The following NFKBIB variants were observed in gnomAD, a reference collection of about 807,000 sequenced individuals.
NFKBIB encodes the protein NF-kappa-B inhibitor beta.
In NFKBIB, 16 loss-of-function variants were observed where a neutral mutation model predicts 32.1. The observed-to-expected ratio is 0.50, with a 90% CI of 0.34 to 0.76. The LOEUF (loss-of-function observed/expected upper bound fraction) is 0.76, where lower values mean the gene tolerates loss of function less well. Ranked by LOEUF, NFKBIB falls within the 30% of genes least tolerant of loss-of-function variation. The pLI, the probability that NFKBIB is intolerant of heterozygous loss-of-function variation, is 0.01. For missense variants in NFKBIB, 437 were observed against 514.9 expected (o/e 0.85, Z 1.46); for synonymous variants, 222 against 219.5 (o/e 1.01, Z -0.10).
chr19:38,907,757 G>A, intron 5 of NFKBIB, 98 bp downstream of exon 5: 1 of 1,459,404 alleles, frequency 6.9e-7, no homozygotes, highest in Admixed American at 2.6e-5. Flanking sequence ...ACCTTGGGCT[G>A]CTGTTAGAGA....
rs1222513924 is a variant in NFKBIB, at chr19:38,905,440, C to T, written c.524C>T (p.Thr175Ile). ...GPDRTPDTNHTPVALYPDSDL... is the reference protein window; with the variant it reads ...GPDRTPDTNHIPVALYPDSDL... The stretch of plus-strand genomic sequence containing the variant: ...GACCGTACTCCCGACACCAACCATA[C>T]CCCTGTCGCCTTGTACCCCGATTCC... Residue 175 changes from threonine (T) to isoleucine (I), a missense_variant, in exon 3 of 6, where the codon ACC becomes ATC. Transcript: ENST00000313582. The surrounding 1 kb of genome is among the most constrained non-coding windows in gnomAD (Gnocchi z 5.5). 1.2e-6 allele frequency: 2 copies of T among 1,613,910 alleles called. No individual in the cohort carries two copies. The highest frequency in any genetic ancestry group is 1.1e-5 in the South Asian group (1 of 91,086).
chr19:38,907,985 A>G, intron 5 of NFKBIB: 2 of 1,177,832 alleles, frequency 1.7e-6, no homozygotes, highest in Admixed American at 4.2e-5. Flanking sequence ...GAATTGGAGA[A>G]CTCACACTGC....
At position 38,905,544 on chromosome 19, in the gene NFKBIB, C is replaced by T. The variant is rs748849926; in HGVS notation, c.619+9C>T. 4.4e-6 allele frequency: 7 copies of T among 1,589,710 alleles called. No individual in the cohort carries two copies. The highest frequency in any genetic ancestry group is 2.3e-5 in the South Asian group (2 of 86,722). ...GGCTGAAAACTACGAGGGTGAGGGT[C>T]GTCACCAGGGAAGGACTCAGCTCCT... On this transcript the variant is annotated intron_variant, in intron 3 of 5. Transcript: ENST00000313582. This position sits in a 1 kb window ranked among gnomAD's most constrained non-coding sequence, Gnocchi z 5.5.
rs757386064 is a variant in NFKBIB, at chr19:38,907,390, C to T, written c.709-9C>T. 8.9e-5 allele frequency: 142 copies of T among 1,589,028 alleles called. No individual in the cohort carries two copies. Among genetic ancestry groups the T allele is most frequent in the African/African-American group, 2.5e-4 (19 of 74,554 alleles). On this transcript the variant is annotated splice_polypyrimidine_tract_variant and intron_variant, in intron 4 of 5. Coordinates refer to ENST00000313582, the MANE Select transcript of NFKBIB (RefSeq NM_002503.5). ...CGGGCCCTCTGACCTTTCTGTTGCACCCCCACAGGAGCCCACGTGCGGCCG... is the reference window on the plus strand; with the variant it reads ...CGGGCCCTCTGACCTTTCTGTTGCATCCCCACAGGAGCCCACGTGCGGCCG...
intron 3 of NFKBIB, 88 bp from the exon 4 acceptor site, chr19:38,907,133 C>G (rs1474716215): frequency 8.1e-7 from 1 of 1,230,016 alleles, no homozygotes; most frequent in Admixed American, 2.0e-5. Context: ...ATCACCCTCA[C>G]GCCACATGAC....
In NFKBIB at chr19:38,907,484, C is replaced by T. The variant is rs567594250; in HGVS notation, c.794C>T (p.Ala265Val). The T allele has an allele frequency of 1.9e-5, 31 of 1,612,306 alleles. No homozygotes were observed. The highest frequency in any genetic ancestry group is 1.2e-4 in the South Asian group (11 of 91,044). ...CTGGAGCTTCTCCTGAGGGCAGGCG[C>T]GAACCCTGCTGCCCGCATGTACGGT... The part of the protein sequence containing the change: ...DVLELLLRAG[A>V]NPAARMYGGR... Residue 265 changes from alanine (A) to valine (V), a missense_variant, in exon 5 of 6, where the codon GCG (alanine) becomes GTG (valine). Coordinates refer to ENST00000313582, the MANE Select transcript of NFKBIB (RefSeq NM_002503.5).
At position 38,907,553 on chromosome 19, in the gene NFKBIB, T is replaced by A. The variant is rs1158385937; in HGVS notation, c.863T>A (p.Ile288Asn). 1 of 1,612,288 alleles carries A rather than the reference T, an allele frequency of 6.2e-7. No individual in the cohort carries two copies. The highest frequency in any genetic ancestry group is 2.2e-5 in the East Asian group (1 of 44,868). The change falls in exon 5 of 6, where the codon ATC (isoleucine) becomes AAC (asparagine). Residue 288 changes from isoleucine to asparagine, a missense_variant. Coordinates refer to ENST00000313582, the MANE Select transcript of NFKBIB (RefSeq NM_002503.5). ...AGTGCCATGCTCCGGCCCAACCCCA[T>A]CCTCGCCCGCCTCCTCCGTGCACAC... ...LGSAMLRPNP[I>N]LARLLRAHGA...
intron 1 of NFKBIB, 147 bp from the exon 2 acceptor site, chr19:38,904,866 ACT>A (rs1275824194): frequency 1.4e-5 from 10 of 699,878 alleles, no homozygotes; most frequent in African/African-American, 7.2e-5. Flanking sequence ...TGCTGATGAA[ACT>A]CTGACCTCTG....
chr19:38,908,560 A>G (rs1233849034), intron 5 of NFKBIB, 171 bp from the exon 6 acceptor site: 1 of 1,310,602 alleles, frequency 7.6e-7, no homozygotes, highest in African/African-American at 1.6e-5. Context: ...AAAAAAAAAG[A>G]AAGAAAAGAA....
At chr19:38,907,768 A>AT in intron 5 of NFKBIB, 109 bp downstream of exon 5, 1 of 1,450,878 alleles carries the variant, frequency 6.9e-7, no homozygotes, top group Admixed American at 2.7e-5. Context: ...CTGTTAGAGA[A>AT]CTCAGGCAGC....
At chr19:38,904,942 G>A (rs185355535) in intron 1 of NFKBIB, 73 bp from the exon 2 acceptor site, 625 of 1,410,322 alleles carry the variant, frequency 4.4e-4, no homozygotes, top group Admixed American at 9.0e-4. Context: ...TACAGTAGGC[G>A]CCCCATGTTT....
intron 5 of NFKBIB, 135 bp from the exon 6 acceptor site, chr19:38,908,596 T>G: frequency 7.3e-7 from 1 of 1,364,862 alleles, no homozygotes; most frequent in Non-Finnish European, 9.4e-7. Flanking sequence ...GCTAGGAAAC[T>G]GGGAGGTTGA....
Position 38,907,325 on chromosome 19 carries a change from G to A in NFKBIB, c.708+16G>A, listed in dbSNP as rs754267599. 27 of 1,608,816 alleles carry A rather than the reference G, an allele frequency of 1.7e-5. No individual in the cohort carries two copies. The South Asian group carries it at 2.0e-4, about 12-fold the overall frequency. ...TGACAAACCGGTGAGCCCCAACCTC[G>A]GGGAAGATGCCGTCGGCGGGAGGGG... On this transcript the variant is annotated intron_variant, in intron 4 of 5. Coordinates refer to ENST00000313582, the MANE Select transcript of NFKBIB (RefSeq NM_002503.5).
At chr19:38,903,885 A>G (rs1029505564) in intron 1 of NFKBIB, among the ~76,000 whole-genome samples, 19 of 152,056 alleles carry the variant, frequency 1.2e-4, no homozygotes, top group African/African-American at 4.1e-4. Flanking sequence ...CCTGGCCAAC[A>G]TGGTGAAACC....
intron 5 of NFKBIB, 131 bp downstream of exon 5, chr19:38,907,790 C>T: frequency 2.1e-6 from 3 of 1,450,924 alleles, no homozygotes; most frequent in Non-Finnish European, 2.7e-6. Flanking sequence ...GCGCCAGTGA[C>T]ACGGGGCACT....
chr19:38,906,982 G>A (rs1178789976), intron 3 of NFKBIB, among the ~76,000 whole-genome samples: 1 of 152,176 alleles, frequency 6.6e-6, no homozygotes, highest in Non-Finnish European at 1.5e-5. Context: ...CAGACCCCAG[G>A]CTGTTTACCC....
chr19:38,900,116 A>C lies in NFKBIB; in HGVS notation c.84A>C (p.Ala28=). 6.3e-7 allele frequency: 1 copy of C among 1,579,726 alleles called. No homozygotes were observed. The highest frequency in any genetic ancestry group is 1.2e-5 in the South Asian group (1 of 86,924). Residue 28 remains alanine (A), a synonymous_variant, in exon 1 of 6, where the codon GCA becomes GCC. Transcript: ENST00000313582. ...DSGLGSLGPD[A]AAPGGPGLGA... is the part of the protein sequence containing the mutation. ...GCCTGGGCTCCCTGGGTCCGGACGC[A>C]GCGGCCCCCGGAGGACCTGGGTTGG...
In NFKBIB at chr19:38,908,866, TAAAC is replaced by T. The variant is rs1974242199; in HGVS notation, c.*38_*41del. 6.2e-7 allele frequency: 1 copy of T among 1,611,012 alleles called. No individual in the cohort carries two copies. Among genetic ancestry groups the T allele is most frequent in the African/African-American group, 1.3e-5 (1 of 74,704 alleles). ...ATTGTTAATATAATTTCCAGTTTAA[TAAAC>T]AAAACCCTAGTTCTGACAACCAGAG... On this transcript the variant is annotated 3_prime_UTR_variant, in exon 6 of 6. Transcript: ENST00000313582.
In NFKBIB at chr19:38,907,231, A is replaced by T; in HGVS notation, c.630A>T (p.Pro210=). The T allele has an allele frequency of 6.2e-7, 1 of 1,610,844 alleles. No homozygotes were observed. Among genetic ancestry groups the T allele is most frequent in the South Asian group, 1.1e-5 (1 of 90,920 alleles). ...TCACTCTGTCCCCAGGCCACACCCC[A>T]CTCCACGTGGCCGTTATCCACAAAG... is the stretch of plus-strand genomic sequence containing the variant. ...LEAENYEGHT[P]LHVAVIHKDV... is the part of the protein sequence containing the mutation. Residue 210 remains proline, a synonymous_variant, in exon 4 of 6, where the codon CCA becomes CCT. Transcript: ENST00000313582.
Sources: gnomAD v4.1 joint callset for allele counts (sites outside exome capture counted in the v4.1 genomes callset) on GRCh38, gnomAD v4.1.1 for gene constraint, Gnocchi (gnomAD v3.1) non-coding constraint, MANE v1.5 for transcripts, NCBI Gene and HGNC (gene_info 2026-07-23, HGNC 2026-07-21) for gene names.